Variants in PCNX3 observed in about 807,000 individuals in gnomAD.
PCNX3 encodes the protein pecanex 3.
A neutral mutation model predicts 207.2 loss-of-function variants in PCNX3; 58 were observed. That is an observed-to-expected ratio of 0.28 (90% CI 0.23 to 0.35). The LOEUF (loss-of-function observed/expected upper bound fraction) is 0.35. Ranked by LOEUF, PCNX3 falls within the 10% of genes least tolerant of loss-of-function variation. PCNX3 has a pLI of 1.00. For synonymous variants in PCNX3, 1,337 were observed against 1,183.5 expected (o/e 1.13, Z -2.66); for missense variants, 2,410 against 2,774.4 (o/e 0.87, Z 2.95).
In PCNX3 at chr11:65,628,835, C is replaced by A; in HGVS notation, c.3828C>A (p.Phe1276Leu). 6.2e-7 allele frequency: 1 copy of A among 1,611,904 alleles called. No individual in the cohort carries two copies. Among genetic ancestry groups the A allele is most frequent in the Non-Finnish European group, 8.5e-7 (1 of 1,179,780 alleles). Residue 1276 changes from phenylalanine (F) to leucine (L), a missense_variant, in exon 24 of 35, where the codon TTC (phenylalanine) becomes TTA (leucine). Around this residue, in one of 8 missense-constraint regions of PCNX3, gnomAD observed 420 missense variants for 705.3 expected, o/e 0.60. Transcript: ENST00000355703. ...PFAVPHSAML[F>L]VQALLSGLFS... ...GTGGCTCAGACTCGGCCATGCTGTT[C>A]GTCCAGGCCCTGCTCTCGGGGCTCT...
intron 9 of PCNX3, among the ~76,000 whole-genome samples, 176 bp from the exon 10 acceptor site, chr11:65,620,655 T>G (rs1453678523): frequency 1.3e-5 from 2 of 152,176 alleles, no homozygotes; most frequent in East Asian, 3.8e-4. Flanking sequence ...GCCTCGACAC[T>G]CGTGCCAGGG....
chr11:65,620,112 G>A (rs1855007513), intron 8 of PCNX3, among the ~76,000 whole-genome samples, 180 bp downstream of exon 8: 1 of 152,226 alleles, frequency 6.6e-6, no homozygotes, highest in Non-Finnish European at 1.5e-5. Flanking sequence ...TGCTGATGAG[G>A]AAACAGAGGC....
At chr11:65,616,600 G>C (rs955164717) in intron 1 of PCNX3, 136 bp downstream of exon 1, 13 of 1,158,776 alleles carry the variant, frequency 1.1e-5, no homozygotes, top group Non-Finnish European at 1.5e-5. Context: ...TGGAAGAGGG[G>C]CCAAAGTCTT....
At chr11:65,617,733 T>C in intron 5 of PCNX3, 27 bp downstream of exon 5, 4 of 1,549,712 alleles carry the variant, frequency 2.6e-6, no homozygotes, top group Non-Finnish European at 3.5e-6. Flanking sequence ...GGGCCGAGGC[T>C]TGTGGGCTAG....
Position 65,636,854 on chromosome 11 carries a change from T to C in PCNX3, c.5981T>C (p.Ile1994Thr). ...EASPPRASQD[I>T]PCLDSSAPES... ...TCACCCCCCAGAGCTTCCCAGGACA[T>C]TCCTTGCTTGGACAGCAGTGCCCCT... The change falls in exon 35 of 35, where the codon ATT (isoleucine) becomes ACT (threonine). Residue 1994 changes from isoleucine to threonine, a missense_variant. This residue lies in a region of PCNX3 where 278 missense variants were observed against 245.1 expected (regional missense o/e 1.13). Coordinates refer to ENST00000355703, the MANE Select transcript of PCNX3 (RefSeq NM_032223.4). The C allele has an allele frequency of 6.5e-7, 1 of 1,543,454 alleles. No homozygotes were observed. Among genetic ancestry groups the C allele is most frequent in the Non-Finnish European group, 8.8e-7 (1 of 1,142,522 alleles).
At chr11:65,627,735 C>T (rs1455624475) in intron 22 of PCNX3, among the ~76,000 whole-genome samples, 153 bp downstream of exon 22, 3 of 152,024 alleles carry the variant, frequency 2.0e-5, no homozygotes, top group East Asian at 3.9e-4. Context: ...GAAGGGGTTA[C>T]TTCCACCCTC....
chr11:65,616,833 CCCAGCTTGATGGTGG>C lies in PCNX3; in HGVS notation c.166_180del (p.Ser56_Ala60del). 1 of 1,611,422 alleles carries C rather than the reference CCCAGCTTGATGGTGG, an allele frequency of 6.2e-7. No homozygotes were observed. The highest frequency in any genetic ancestry group is 8.5e-7 in the Non-Finnish European group (1 of 1,178,016). On this transcript the variant is annotated inframe_deletion, in exon 2 of 35. Coordinates refer to ENST00000355703, the MANE Select transcript of PCNX3 (RefSeq NM_032223.4). ...TTACTTTCATCTTCAGGTCCTGCCT[CCCAGCTTGATGGTGG>C]CCGGCGTGTACTGCCTCGTGGTGGC...
At position 65,627,010 on chromosome 11, in the gene PCNX3, C is replaced by T. The variant is rs757392336; in HGVS notation, c.3486C>T (p.Ala1162=). 1.8e-5 allele frequency: 28 copies of T among 1,540,686 alleles called. No homozygotes were observed. Among genetic ancestry groups the T allele is most frequent in the African/African-American group, 4.1e-5 (3 of 72,368 alleles). ...AVVLNALTVD[A]HTVVSHPDKY... ...TGCTCAACGCCCTCACGGTGGACGC[C>T]CACACAGTCGTCAGCCACCCGGACA... is the stretch of plus-strand genomic sequence containing the variant. The change falls in exon 21 of 35, where the codon GCC becomes GCT. Residue 1162 remains alanine, a synonymous_variant. Coordinates refer to ENST00000355703, the MANE Select transcript of PCNX3 (RefSeq NM_032223.4).
At position 65,617,602 on chromosome 11, in the gene PCNX3, TG is replaced by T. The variant is rs371929061; in HGVS notation, c.482-7del. The T allele has an allele frequency of 1.8e-4, 297 of 1,613,020 alleles. 1 individual carries two copies. The African/African-American group carries it at 3.0e-3, about 16-fold the overall frequency. On this transcript the variant is annotated splice_region_variant and splice_polypyrimidine_tract_variant and intron_variant, in intron 4 of 34. Coordinates refer to ENST00000355703, the MANE Select transcript of PCNX3 (RefSeq NM_032223.4). ...GGTCCTGCTGACACCTCTGGGGCCATGGTTGCAGACATCAAGGAGCTGGTGC... is the reference window on the plus strand; with the variant it reads ...GGTCCTGCTGACACCTCTGGGGCCATGTTGCAGACATCAAGGAGCTGGTGC...
chr11:65,628,800 C>T lies in PCNX3; in HGVS notation c.3812-19C>T. On this transcript the variant is annotated intron_variant, in intron 23 of 34. Transcript: ENST00000355703. ...GCTGGGAGGTCCTGTTGCCCGCCGC[C>T]TCCTTGACTGTGGCTCAGACTCGGC... 2 of 1,610,258 alleles carry T rather than the reference C, an allele frequency of 1.2e-6. No homozygotes were observed. The highest frequency in any genetic ancestry group is 1.7e-6 in the Non-Finnish European group (2 of 1,179,650).
intron 15 of PCNX3, 135 bp from the exon 16 acceptor site, chr11:65,624,790 G>A: frequency 3.0e-6 from 3 of 990,858 alleles, no homozygotes; most frequent in Non-Finnish European, 2.9e-6. Context: ...CTTGGGGCTT[G>A]GGGCAGCAGA....
chr11:65,618,494 C>T lies in PCNX3; in HGVS notation c.1132C>T (p.Leu378Phe). 3 of 1,609,944 alleles carry T rather than the reference C, an allele frequency of 1.9e-6. No homozygotes were observed. The highest frequency in any genetic ancestry group is 2.5e-6 in the Non-Finnish European group (3 of 1,178,666). Residue 378 changes from leucine to phenylalanine, a missense_variant, in exon 6 of 35, where the codon CTC (leucine) becomes TTC (phenylalanine). Leu to Phe is a conservative substitution (Grantham distance 22, BLOSUM62 0). Coordinates refer to ENST00000355703, the MANE Select transcript of PCNX3 (RefSeq NM_032223.4). ...GACGCCACCGGGCCTGGCTGAGCCGCTCCTGGTCGTGCGGCCCAAGGACTT... is the reference window on the plus strand; with the variant it reads ...GACGCCACCGGGCCTGGCTGAGCCGTTCCTGGTCGTGCGGCCCAAGGACTT... ...AGTPPGLAEP[L>F]LVVRPKDLAL...
rs1590909229 is a variant in PCNX3, at chr11:65,635,851, T to G, written c.5459+48T>G. On this transcript the variant is annotated intron_variant, in intron 32 of 34. Coordinates refer to ENST00000355703, the MANE Select transcript of PCNX3 (RefSeq NM_032223.4). The surrounding 1 kb of genome is among the most constrained non-coding windows in gnomAD (Gnocchi z 9.9). ...CGTGTGGCGCGGGAGGAAGCTGAGGTGCAGTACGTCCCTCCTGGGTCTCAG... is the reference window on the plus strand; with the variant it reads ...CGTGTGGCGCGGGAGGAAGCTGAGGGGCAGTACGTCCCTCCTGGGTCTCAG... The G allele has an allele frequency of 6.4e-7, 1 of 1,557,834 alleles. No individual in the cohort carries two copies.
intron 27 of PCNX3, among the ~76,000 whole-genome samples, chr11:65,632,577 G>A (rs1439899634): frequency 3.8e-5 from 5 of 131,200 alleles, no homozygotes; most frequent in South Asian, 3.8e-4. Context: ...AGCCCAGCTC[G>A]CAGTGAGCGC....
Position 65,624,522 on chromosome 11 carries a change from T to C in PCNX3, c.2768T>C (p.Val923Ala). 1 of 1,609,442 alleles carries C rather than the reference T, an allele frequency of 6.2e-7. No homozygotes were observed. The highest frequency in any genetic ancestry group is 8.5e-7 in the Non-Finnish European group (1 of 1,177,980). The stretch of plus-strand genomic sequence containing the variant: ...TTCCTCCTGGGCCTCCTGCCCCAGG[T>C]CAACACCTGCCTCATGTACCTGCTG... ...FVFLLGLLPQ[V>A]NTCLMYLLEQ... Residue 923 changes from valine (V) to alanine (A), a missense_variant, in exon 15 of 35, where the codon GTC (valine) becomes GCC (alanine). Val to Ala is a moderately conservative substitution (Grantham distance 64, BLOSUM62 0). This residue lies in a region of PCNX3 where 18 missense variants were observed against 46.2 expected (regional missense o/e 0.39). Transcript: ENST00000355703.
Position 65,630,653 on chromosome 11 carries a change from C to T in PCNX3, c.4470+49C>T, listed in dbSNP as rs748364714. On this transcript the variant is annotated intron_variant, in intron 27 of 34. Coordinates refer to ENST00000355703, the MANE Select transcript of PCNX3 (RefSeq NM_032223.4). ...GCAGCAGGGCCCTTGCGGGTGAGCG[C>T]TCGCTGACCAGAGGCCCCAGTACCC... 8.8e-6 allele frequency: 14 copies of T among 1,582,564 alleles called. No homozygotes were observed. The South Asian group carries it at 1.6e-4, about 18-fold the overall frequency.
intron 6 of PCNX3, chr11:65,619,314 C>A: frequency 1.9e-6 from 1 of 528,250 alleles, no homozygotes. Context: ...ATCATCCACA[C>A]TCATCCTCCC....
At chr11:65,629,307 C>A in intron 24 of PCNX3, 50 bp from the exon 25 acceptor site, 1 of 1,562,642 alleles carries the variant, frequency 6.4e-7, no homozygotes, top group East Asian at 2.3e-5. Flanking sequence ...CAGGGTGCAC[C>A]CTCTCTTCAC....
Position 65,637,024 on chromosome 11 carries a change from C to T in PCNX3, c.*46C>T. 4 of 1,523,424 alleles carry T rather than the reference C, an allele frequency of 2.6e-6. No homozygotes were observed. Among genetic ancestry groups the T allele is most frequent in the Non-Finnish European group, 3.5e-6 (4 of 1,133,464 alleles). 94.4% of individuals were successfully genotyped at this position (1,523,424 alleles called of 1,614,324 possible). A position where few individuals can be genotyped will look rare whatever the true frequency, so the allele number is the denominator to read the frequency against. On this transcript the variant is annotated 3_prime_UTR_variant, in exon 35 of 35. Coordinates refer to ENST00000355703, the MANE Select transcript of PCNX3 (RefSeq NM_032223.4). ...CCACCTCCTAGGATTCAGTAACGGA[C>T]CTGCTCTGCTGCCTCTCTGCTGGAC... is the stretch of plus-strand genomic sequence containing the variant.
Sources: allele counts gnomAD v4.1 joint callset (sites outside exome capture counted in the v4.1 genomes callset), GRCh38; gene constraint gnomAD v4.1.1; regional missense constraint gnomAD v4.1.1; non-coding constraint Gnocchi (gnomAD v3.1); transcripts MANE v1.5; gene names NCBI Gene and HGNC (gene_info 2026-07-23, HGNC 2026-07-21).